Variants in CECR2 observed in about 807,000 individuals in gnomAD.
The protein encoded by CECR2 is chromatin remodeling regulator CECR2.
A neutral mutation model predicts 154.5 loss-of-function variants in CECR2; 30 were observed. The ratio of observed to expected loss-of-function variants is 0.19; its 90% CI spans 0.15 to 0.26. The LOEUF (loss-of-function observed/expected upper bound fraction) is 0.26, where lower values mean the gene tolerates loss of function less well. Among genes scored for constraint, CECR2 ranks in the 10% least tolerant of loss-of-function variants. The pLI is 1.00. For synonymous variants in CECR2, 725 were observed against 683.7 expected, an observed-to-expected ratio of 1.06 and a Z score of -0.94; for missense variants, 1,743 against 1,829.3, an observed-to-expected ratio of 0.95 and a Z score of 0.86.
At chr22:17,524,039 T>C in intron 8 of CECR2, 79 bp from the exon 9 acceptor site, 3 of 1,143,356 alleles carry the variant, frequency 2.6e-6, no homozygotes, top group Non-Finnish European at 3.8e-6. Flanking sequence ...TTGAAAATAC[T>C]GAATTCAATG....
At chr22:17,527,028 T>C (rs947214395) in intron 9 of CECR2, among the ~76,000 whole-genome samples, 1 of 152,080 alleles carries the variant, frequency 6.6e-6, no homozygotes, top group African/African-American at 2.4e-5. Flanking sequence ...AGAAAACATT[T>C]GCAAACTGCC....
chr22:17,525,285 C>CAAAA (rs1569142080), intron 9 of CECR2, among the ~76,000 whole-genome samples: 1,844 of 32,216 alleles, frequency 0.057, 565 homozygotes, highest in Middle Eastern at 0.083. Flanking sequence ...AACTCCATCT[C>CAAAA]CAAAAAAAAA....
chr22:17,413,593 C>T (rs749021073), intron 1 of CECR2, among the ~76,000 whole-genome samples: 4 of 152,146 alleles, frequency 2.6e-5, no homozygotes, highest in East Asian at 1.9e-4. Context: ...TGGGCCTGCT[C>T]GCCAAACTAT....
At chr22:17,477,822 A>G (rs949877056) in intron 2 of CECR2, 140 bp downstream of exon 2, 2 of 639,100 alleles carry the variant, frequency 3.1e-6, no homozygotes, top group Non-Finnish European at 5.6e-6. Context: ...ACGTACACGT[A>G]AATTTCCAGG....
chr22:17,552,154 T>C lies in CECR2; in HGVS notation c.4389+12T>C, dbSNP rs754465270. The C allele has an allele frequency of 6.2e-7, 1 of 1,606,912 alleles. No homozygotes were observed. ...TTCCCCTGGATCAGGTAAGGATCACTAAAAATTAGAGCTGTTCTTCTTCCT... is the reference window on the plus strand; with the variant it reads ...TTCCCCTGGATCAGGTAAGGATCACCAAAAATTAGAGCTGTTCTTCTTCCT... On this transcript the variant is annotated intron_variant, in intron 18 of 18. Coordinates refer to ENST00000262608, the MANE Select transcript of CECR2 (RefSeq NM_001290047.2).
At chr22:17,482,115 C>CAAAAAAAAAAAAAAAAAAAAAAAAA (rs869050391) in intron 2 of CECR2, among the ~76,000 whole-genome samples, 1 of 76,310 alleles carries the variant, frequency 1.3e-5, no homozygotes, top group African/African-American at 5.3e-5. Context: ...ACTCTGTCTC[C>CAAAAAAAAAAAAAAAAAAAAAAAAA]AAAAAAAAAA....
chr22:17,363,563 G>A (rs1178480430), intron 1 of CECR2, among the ~76,000 whole-genome samples: 2 of 151,978 alleles, frequency 1.3e-5, no homozygotes, highest in Admixed American at 6.6e-5. Context: ...GGCTGGGCTC[G>A]AACTCCTGAC....
At chr22:17,533,499 A>G (rs904725651) in intron 9 of CECR2, among the ~76,000 whole-genome samples, 16 of 150,998 alleles carry the variant, frequency 1.1e-4, no homozygotes, top group African/African-American at 3.9e-4. Context: ...GCATAGTGGC[A>G]TATACCTGTA....
At chr22:17,515,807 C>T (rs1176888108) in intron 8 of CECR2, among the ~76,000 whole-genome samples, 1 of 152,120 alleles carries the variant, frequency 6.6e-6, no homozygotes, top group East Asian at 1.9e-4. Context: ...TCCCAAGTAG[C>T]TGGGACTACA....
At chr22:17,479,762 TTTC>T (rs2055273734) in intron 2 of CECR2, among the ~76,000 whole-genome samples, 1 of 142,522 alleles carries the variant, frequency 7.0e-6, no homozygotes, top group East Asian at 2.0e-4. Flanking sequence ...CAATGTGGTC[TTTC>T]TTTTTTTTTT....
intron 1 of CECR2, among the ~76,000 whole-genome samples, chr22:17,457,091 A>G (rs2054865388): frequency 6.6e-6 from 1 of 152,266 alleles, no homozygotes. Flanking sequence ...CAGTGGCACT[A>G]TCTCTGTTCA....
chr22:17,446,040 G>GT (rs2054656491), intron 1 of CECR2, among the ~76,000 whole-genome samples: 1 of 152,058 alleles, frequency 6.6e-6, no homozygotes, highest in Admixed American at 6.6e-5. Context: ...GGATGTGGAG[G>GT]GTGAACTGCA....
At chr22:17,372,473 C>CT (rs1249957779) in intron 1 of CECR2, among the ~76,000 whole-genome samples, 1 of 152,122 alleles carries the variant, frequency 6.6e-6, no homozygotes, top group Non-Finnish European at 1.5e-5. Context: ...CGAGACGAGA[C>CT]TGGCTAACAT....
chr22:17,503,070 C>G lies in CECR2; in HGVS notation c.651-12C>G, dbSNP rs996291553. 4 of 1,609,322 alleles carry G rather than the reference C, an allele frequency of 2.5e-6. No homozygotes were observed. In the African/African-American group the frequency reaches 4.0e-5, roughly 16 times the overall value. ...TTTGTTTTAATTGGCACCTCTTTTT[C>G]CTGTGTTTCAGTGAAAAGCAGGAAG... On this transcript the variant is annotated splice_polypyrimidine_tract_variant and intron_variant, in intron 5 of 18. Coordinates refer to ENST00000262608, the MANE Select transcript of CECR2 (RefSeq NM_001290047.2).
intron 9 of CECR2, among the ~76,000 whole-genome samples, chr22:17,536,194 G>A (rs1047779706): frequency 1.3e-5 from 2 of 152,178 alleles, no homozygotes; most frequent in African/African-American, 4.8e-5. Context: ...GTTGTGGTGA[G>A]CCGAGGTGGC....
At chr22:17,432,548 C>T (rs1346627406) in intron 1 of CECR2, among the ~76,000 whole-genome samples, 1 of 152,208 alleles carries the variant, frequency 6.6e-6, no homozygotes. Context: ...AACTGCCAGA[C>T]TTTTCCAAAG....
intron 17 of CECR2, 50 bp from the exon 18 acceptor site, chr22:17,551,981 C>T (rs770880020): frequency 1.8e-5 from 28 of 1,556,606 alleles, no homozygotes; most frequent in East Asian, 2.2e-5. Flanking sequence ...TTTCTTCTGT[C>T]GTTAACACGT....
chr22:17,369,046 C>T (rs953061949), upstream of CECR2, among the ~76,000 whole-genome samples: 1 of 152,144 alleles, frequency 6.6e-6, no homozygotes, highest in Non-Finnish European at 1.5e-5. Flanking sequence ...TCCGGCTCTG[C>T]CCTCGGCATC....
chr22:17,379,609 T>TGA (rs2146465570), intron 1 of CECR2, among the ~76,000 whole-genome samples: 1 of 151,908 alleles, frequency 6.6e-6, no homozygotes, highest in South Asian at 2.1e-4. Flanking sequence ...TGTGTGTGTG[T>TGA]GTGTGTGTGT....
Sources: gnomAD v4.1 joint callset for allele counts (sites outside exome capture counted in the v4.1 genomes callset) on GRCh38, gnomAD v4.1.1 for gene constraint, MANE v1.5 for transcripts, NCBI Gene and HGNC (gene_info 2026-07-23, HGNC 2026-07-21) for gene names.